Variants in ASL observed in about 807,000 individuals in gnomAD.
ASL encodes the protein argininosuccinase.
A neutral mutation model predicts 69.1 loss-of-function variants in ASL; 51 were observed. The ratio of observed to expected loss-of-function variants is 0.74; its 90% CI spans 0.59 to 0.93. The LOEUF (loss-of-function observed/expected upper bound fraction) is 0.93. Ranked by LOEUF, ASL falls within the 40% of genes least tolerant of loss-of-function variation. The pLI is 0.00. For missense variants in ASL, 540 were observed against 623.9 expected (o/e 0.87, Z 1.43); for synonymous variants, 241 against 247.6 (o/e 0.97, Z 0.25).
intron 5 of ASL, 28 bp downstream of exon 5, chr7:66,082,964 C>G: frequency 6.2e-7 from 1 of 1,612,574 alleles, no homozygotes. Context: ...CCCCCTGCTC[C>G]GTGTTGTCCC....
chr7:66,081,839 G>A lies in ASL; in HGVS notation c.49G>A (p.Val17Met), dbSNP rs763073054. Reference protein sequence around the residue: ...KLWGGRFVGAVDPIMEKFNAS... With the variant: ...KLWGGRFVGAMDPIMEKFNAS... ...TTGGGGTGGCCGGTTTGTGGGTGCA[G>A]TGGACCCCATCATGGAGAAGTTCAA... The change falls in exon 3 of 17, where the codon GTG becomes ATG. Residue 17 changes from valine (V) to methionine (M), a missense_variant. By Grantham distance (21) the Val-to-Met change is conservative. Coordinates refer to ENST00000304874, the MANE Select transcript of ASL (RefSeq NM_000048.4). 1 of 1,613,978 alleles carries A rather than the reference G, an allele frequency of 6.2e-7. No individual in the cohort carries two copies. The highest frequency in any genetic ancestry group is 1.1e-5 in the South Asian group (1 of 91,084).
intron 2 of ASL, among the ~76,000 whole-genome samples, chr7:66,080,903 G>A (rs1290571626): frequency 6.6e-6 from 1 of 152,188 alleles, no homozygotes; most frequent in East Asian, 1.9e-4. Context: ...AGCTGTGAGG[G>A]AGAGAGTTGC....
intron 1 of ASL, 67 bp downstream of exon 1, chr7:66,075,923 A>C: frequency 1.1e-6 from 1 of 913,374 alleles, no homozygotes; most frequent in Non-Finnish European, 1.7e-6. Flanking sequence ...GCGCGCGCTC[A>C]CGTCCGCGTC....
intron 1 of ASL, 75 bp from the exon 2 acceptor site, chr7:66,075,964 C>A: frequency 1.4e-6 from 2 of 1,408,332 alleles, no homozygotes; most frequent in Non-Finnish European, 2.0e-6. Context: ...AAGCGCAGTG[C>A]CCAGAACTCG....
At chr7:66,091,849 T>G in intron 14 of ASL, 157 bp from the exon 15 acceptor site, 1 of 746,478 alleles carries the variant, frequency 1.3e-6, no homozygotes, top group Non-Finnish European at 2.4e-6. Context: ...TCGATAATTA[T>G]GAGAAGATGG....
In ASL at chr7:66,080,607, C is replaced by T. The variant is rs1786476857; in HGVS notation, c.13-1196C>T. 2.0e-5 allele frequency among the ~76,000 whole-genome samples: 3 copies of T among 151,780 alleles called. No individual in the cohort carries two copies. The South Asian group carries it at 6.2e-4, about 32-fold the overall frequency. ...GTGTGGTGGCACACGCCTGAAATTC[C>T]AGCTACTCGGGAGGCTGAGGCAGGA... On this transcript the variant is annotated intron_variant, in intron 2 of 16. Coordinates refer to ENST00000304874, the MANE Select transcript of ASL (RefSeq NM_000048.4).
chr7:66,088,987 G>A (rs1786754838), intron 11 of ASL, 66 bp downstream of exon 11: 3 of 1,607,430 alleles, frequency 1.9e-6, no homozygotes, highest in Non-Finnish European at 2.6e-6. Context: ...GCCCGCGGAC[G>A]TGGCTGCCTT....
In ASL at chr7:66,087,719, A is replaced by T; in HGVS notation, c.656-10A>T. On this transcript the variant is annotated splice_polypyrimidine_tract_variant and intron_variant, in intron 9 of 16. Coordinates refer to ENST00000304874, the MANE Select transcript of ASL (RefSeq NM_000048.4). ...CTCCAGCTTAGCCCTGCTTCCTCCC[A>T]CCCCCCCAGAACTCAACTTTGGGGC... 6.2e-7 allele frequency: 1 copy of T among 1,613,222 alleles called. No individual in the cohort carries two copies.
rs895635112 is a variant in ASL at position 66,086,447 on chromosome 7, A to C, written c.447-138A>C. ...CTTAAGACTGATTTGTCCCTGGGAG[A>C]TCACCAGATCCCTCATTCAGGTGGA... On this transcript the variant is annotated intron_variant, in intron 6 of 16. Coordinates refer to ENST00000304874, the MANE Select transcript of ASL (RefSeq NM_000048.4). 15 of 908,522 alleles carry C rather than the reference A, an allele frequency of 1.7e-5. No individual in the cohort carries two copies. The South Asian group carries it at 2.1e-4, about 13-fold the overall frequency. The allele number at this position is 908,522 out of a possible 1,614,324, so 56.3% of individuals were successfully genotyped here. A position where few individuals can be genotyped will look rare whatever the true frequency, so the allele number is the denominator to read the frequency against.
Position 66,083,413 on chromosome 7 carries a change from G to A in ASL, c.446+239G>A, listed in dbSNP as rs115875890. 1,465 of 443,928 alleles carry A rather than the reference G, an allele frequency of 3.3e-3. 22 individuals are homozygous for A. Among genetic ancestry groups the A allele is most frequent in the African/African-American group, 0.026 (1,289 of 49,788 alleles). The allele number at this position is 443,928 out of a possible 1,614,324, so 27.5% of individuals were successfully genotyped here. ...ACTAACCCTTCGTGGGGCTGGGTGC[G>A]GTGGCTCACGCCTGTAATCTCAGCA... On this transcript the variant is annotated intron_variant, in intron 6 of 16. Coordinates refer to ENST00000304874, the MANE Select transcript of ASL (RefSeq NM_000048.4).
chr7:66,090,567 C>T (rs1786813289), intron 14 of ASL, among the ~76,000 whole-genome samples: 1 of 152,114 alleles, frequency 6.6e-6, no homozygotes, highest in Non-Finnish European at 1.5e-5. Context: ...AGCCACTTTG[C>T]CTGGCTGATT....
chr7:66,079,712 C>T (rs1398308267), intron 2 of ASL, among the ~76,000 whole-genome samples: 1 of 152,012 alleles, frequency 6.6e-6, no homozygotes, highest in Non-Finnish European at 1.5e-5. Flanking sequence ...CTCCGCCTCC[C>T]GGGTTCAAGC....
chr7:66,081,981 T>C lies in ASL; in HGVS notation c.191T>C (p.Leu64Pro). The change falls in exon 3 of 17, where the codon CTC becomes CCC. Residue 64 changes from leucine to proline, a missense_variant. Leu to Pro is a moderately conservative substitution (Grantham distance 98). Coordinates refer to ENST00000304874, the MANE Select transcript of ASL (RefSeq NM_000048.4). ...ACCAAGGCCGAGATGGACCAGATAC[T>C]CCATGGCCTAGACAAGGTACTTGCC... ...LLTKAEMDQI[L>P]HGLDKVAEEW... is the part of the protein sequence containing the mutation. 6.2e-7 allele frequency: 1 copy of C among 1,610,190 alleles called. No homozygotes were observed. The highest frequency in any genetic ancestry group is 8.5e-7 in the Non-Finnish European group (1 of 1,178,458).
chr7:66,087,690 T>G (rs759749791), intron 9 of ASL, 39 bp from the exon 10 acceptor site: 1 of 1,613,476 alleles, frequency 6.2e-7, no homozygotes, highest in Non-Finnish European at 8.5e-7. Context: ...GGCCACTCCC[T>G]GTCCTCCAGC....
chr7:66,085,961 C>T (rs1471339574), intron 6 of ASL, among the ~76,000 whole-genome samples: 2 of 151,986 alleles, frequency 1.3e-5, no homozygotes, highest in African/African-American at 2.4e-5. Context: ...GGTGGCATGT[C>T]CCTTTAGTCC....
intron 2 of ASL, among the ~76,000 whole-genome samples, chr7:66,081,476 A>G (rs1375808616): frequency 6.6e-6 from 1 of 151,862 alleles, no homozygotes; most frequent in African/African-American, 2.4e-5. Flanking sequence ...GCTACTTGGG[A>G]GTCTGAGGCA....
Position 66,081,838 on chromosome 7 carries a change from A to G in ASL, c.48A>G (p.Ala16=), listed in dbSNP as rs930628311. Reference sequence around the variant, plus strand: ...TTTGGGGTGGCCGGTTTGTGGGTGCAGTGGACCCCATCATGGAGAAGTTCA... The same window carrying G: ...TTTGGGGTGGCCGGTTTGTGGGTGCGGTGGACCCCATCATGGAGAAGTTCA... ...GKLWGGRFVG[A]VDPIMEKFNA... is the part of the protein sequence containing the mutation. Residue 16 remains alanine, a synonymous_variant, in exon 3 of 17, where the codon GCA becomes GCG. Transcript: ENST00000304874. 3 of 1,613,948 alleles carry G rather than the reference A, an allele frequency of 1.9e-6. No individual in the cohort carries two copies. Among genetic ancestry groups the G allele is most frequent in the Admixed American group, 1.7e-5 (1 of 59,998 alleles).
chr7:66,093,107 G>A lies in ASL; in HGVS notation c.*195G>A, dbSNP rs1786902999. ...CAAGGTGCGAGGATGCTTGAGGCCA[G>A]GAGTTTGACACAGCCTGGGCAACAC... is the stretch of plus-strand genomic sequence containing the variant. On this transcript the variant is annotated 3_prime_UTR_variant, in exon 17 of 17. Transcript: ENST00000304874. The A allele has an allele frequency of 1.2e-6, 1 of 834,694 alleles. No individual in the cohort carries two copies. Among genetic ancestry groups the A allele is most frequent in the Non-Finnish European group, 1.9e-6 (1 of 533,014 alleles). 51.7% of individuals were successfully genotyped at this position (834,694 alleles called of 1,614,324 possible).
chr7:66,080,104 C>T (rs754106679), intron 2 of ASL, among the ~76,000 whole-genome samples: 14 of 150,986 alleles, frequency 9.3e-5, no homozygotes, highest in South Asian at 2.1e-4. Flanking sequence ...ATTTAAAGGC[C>T]GGGTGTGGTG....
Sources: allele counts gnomAD v4.1 joint callset (sites outside exome capture counted in the v4.1 genomes callset), GRCh38; gene constraint gnomAD v4.1.1; transcripts MANE v1.5; gene names NCBI Gene and HGNC (gene_info 2026-07-23, HGNC 2026-07-21).